ZFHX4: variants seen among roughly 807,000 people sequenced by gnomAD.
The protein encoded by ZFHX4 is zinc finger homeobox protein 4.
ZFHX4 carries 56 observed loss-of-function variants against 267.6 expected under a neutral mutation model. That is an observed-to-expected ratio of 0.21 (90% CI 0.17 to 0.26). ZFHX4 has a LOEUF of 0.26. Among genes scored for constraint, ZFHX4 ranks in the 10% least tolerant of loss-of-function variants. The probability of loss-of-function intolerance (pLI) is 1.00; values close to 1 mark genes in which losing one functional copy is unlikely to be tolerated. For missense variants in ZFHX4, 4,332 were observed against 4,420.0 expected (o/e 0.98, Z 0.56); for synonymous variants, 1,778 against 1,665.6 (o/e 1.07, Z -1.64).
intron 4 of ZFHX4, among the ~76,000 whole-genome samples, chr8:76,822,837 C>T (rs1256237407): frequency 3.9e-5 from 6 of 152,020 alleles, no homozygotes; most frequent in East Asian, 3.9e-4. Flanking sequence ...CTTCATCGTC[C>T]GTACTCTATA....
chr8:76,802,620 A>G (rs1811143382), intron 4 of ZFHX4, among the ~76,000 whole-genome samples: 1 of 152,184 alleles, frequency 6.6e-6, no homozygotes, highest in Non-Finnish European at 1.5e-5. Flanking sequence ...GGCATTCCCT[A>G]TATGATATGG....
Position 76,863,836 on chromosome 8 carries a change from A to G in ZFHX4, c.10122A>G (p.Thr3374=). The change falls in exon 11 of 11, where the codon ACA becomes ACG. Residue 3374 remains threonine, a synonymous_variant. Coordinates refer to ENST00000651372, the MANE Select transcript of ZFHX4 (RefSeq NM_024721.5). The stretch of plus-strand genomic sequence containing the variant: ...CAAAGGAAGACAAAAGTACTGCTAC[A>G]GAAAGCACAAAAGAAGAACCCCAGT... ...SETKEDKSTA[T]ESTKEEPQLE... The G allele has an allele frequency of 6.4e-7, 1 of 1,553,590 alleles. No homozygotes were observed. Among genetic ancestry groups the G allele is most frequent in the Non-Finnish European group, 8.7e-7 (1 of 1,147,850 alleles).
rs1563562876 is a variant in ZFHX4 at position 76,854,057 on chromosome 8, C to A, written c.7136C>A (p.Pro2379His). 6.2e-7 allele frequency: 1 copy of A among 1,613,946 alleles called. No homozygotes were observed. Among genetic ancestry groups the A allele is most frequent in the Admixed American group, 1.7e-5 (1 of 60,028 alleles). The change falls in exon 10 of 11, where the codon CCT becomes CAT. Residue 2379 changes from proline to histidine, a missense_variant. This residue lies in a region of ZFHX4 where 1,648 missense variants were observed against 1,625.0 expected (regional missense o/e 1.01). Transcript: ENST00000651372. ...QTDAAKNAAA[P>H]AASSGSGTST... is the part of the protein sequence containing the mutation. ...GATGCAGCTAAAAACGCTGCTGCCC[C>A]TGCAGCAAGTTCTGGCTCTGGGACC... is the stretch of plus-strand genomic sequence containing the variant.
At chr8:76,835,245 A>ATG (rs1554572199) in intron 5 of ZFHX4, among the ~76,000 whole-genome samples, 7 of 129,176 alleles carry the variant, frequency 5.4e-5, no homozygotes, top group South Asian at 2.4e-4. Context: ...ATATATGTAT[A>ATG]TATATATATA....
chr8:76,766,065 A>G (rs1015152496), intron 3 of ZFHX4, among the ~76,000 whole-genome samples: 4 of 152,150 alleles, frequency 2.6e-5, no homozygotes, highest in African/African-American at 4.8e-5. Context: ...TGGCTACAAC[A>G]TAAGGAGTGT....
At chr8:76,840,865 C>T (rs533700175) in intron 5 of ZFHX4, among the ~76,000 whole-genome samples, 1 of 152,334 alleles carries the variant, frequency 6.6e-6, no homozygotes, top group East Asian at 1.9e-4. Flanking sequence ...CCAAATCCAG[C>T]TTGGCCACCA....
At chr8:76,709,938 G>A (rs947948233) in intron 3 of ZFHX4, among the ~76,000 whole-genome samples, 7 of 151,840 alleles carry the variant, frequency 4.6e-5, no homozygotes, top group African/African-American at 1.7e-4. Context: ...ATGGAGAGTT[G>A]GATGTTGTCT....
chr8:76,839,053 A>AGAGAG (rs1812165394), intron 5 of ZFHX4, among the ~76,000 whole-genome samples: 1 of 107,378 alleles, frequency 9.3e-6, no homozygotes, highest in Non-Finnish European at 1.9e-5. Context: ...CTCTGTCTGA[A>AGAGAG]AGAGAGAGAG....
intron 4 of ZFHX4, among the ~76,000 whole-genome samples, chr8:76,798,684 A>G (rs542594823): frequency 6.6e-6 from 1 of 152,340 alleles, no homozygotes; most frequent in South Asian, 2.1e-4. Context: ...AATTACTTCT[A>G]GGTATAAACC....
intron 1 of ZFHX4, among the ~76,000 whole-genome samples, chr8:76,702,733 G>T (rs1191877288): frequency 6.6e-6 from 1 of 152,130 alleles, no homozygotes; most frequent in Non-Finnish European, 1.5e-5. Context: ...TTAAGGTGCT[G>T]GCCTTGAAGT....
chr8:76,853,239 T>A lies in ZFHX4; in HGVS notation c.6318T>A (p.Ser2106=). ...AGCTGCCACAGATGGACGCACTCTCTGCAGACCTCACCCAACTTTGCCAGC... is the reference window on the plus strand; with the variant it reads ...AGCTGCCACAGATGGACGCACTCTCAGCAGACCTCACCCAACTTTGCCAGC... ...ALQLPQMDAL[S]ADLTQLCQQQ... is the part of the protein sequence containing the mutation. Residue 2106 remains serine, a synonymous_variant, in exon 10 of 11, where the codon TCT becomes TCA. Transcript: ENST00000651372. 1.3e-6 allele frequency: 2 copies of A among 1,579,698 alleles called. No individual in the cohort carries two copies. The highest frequency in any genetic ancestry group is 1.7e-6 in the Non-Finnish European group (2 of 1,162,248).
chr8:76,750,422 A>C (rs1809583540), intron 3 of ZFHX4, among the ~76,000 whole-genome samples: 1 of 152,170 alleles, frequency 6.6e-6, no homozygotes, highest in Non-Finnish European at 1.5e-5. Flanking sequence ...ATGGAGTAAG[A>C]AGTAAATGTA....
Position 76,852,906 on chromosome 8 carries a change from T to C in ZFHX4, c.5985T>C (p.Ile1995=). 6.2e-7 allele frequency: 1 copy of C among 1,609,680 alleles called. No individual in the cohort carries two copies. The highest frequency in any genetic ancestry group is 8.5e-7 in the Non-Finnish European group (1 of 1,177,776). ...YREAYDKLYP[I]SPSSPETPPP... is the part of the protein sequence containing the mutation. ...AGGCCTATGACAAGCTTTATCCAAT[T>C]TCTCCATCTTCTCCAGAAACGCCGC... is the stretch of plus-strand genomic sequence containing the variant. Residue 1995 remains isoleucine, a synonymous_variant, in exon 10 of 11, where the codon ATT becomes ATC. Coordinates refer to ENST00000651372, the MANE Select transcript of ZFHX4 (RefSeq NM_024721.5).
intron 1 of ZFHX4, chr8:76,682,752 CT>C (rs1331989612): frequency 6.6e-6 from 1 of 152,650 alleles, no homozygotes; most frequent in South Asian, 2.1e-4. Flanking sequence ...TTCGGCCCCC[CT>C]AAAAGGGTTC....
chr8:76,775,798 C>T (rs1040665912), intron 3 of ZFHX4, among the ~76,000 whole-genome samples: 6 of 151,834 alleles, frequency 4.0e-5, no homozygotes, highest in Non-Finnish European at 5.9e-5. Flanking sequence ...TGCAGGCACA[C>T]TTGATATGCT....
At chr8:76,722,597 CTTTTTATGTG>C (rs1419430342) in intron 3 of ZFHX4, among the ~76,000 whole-genome samples, 2 of 149,562 alleles carry the variant, frequency 1.3e-5, no homozygotes, top group East Asian at 4.1e-4. Flanking sequence ...GACTTTCTCA[CTTTTTATGTG>C]TTTTTTTTTT....
chr8:76,704,279 T>G lies in ZFHX4; in HGVS notation c.191T>G (p.Phe64Cys). The change falls in exon 2 of 11, where the codon TTC (phenylalanine) becomes TGC (cysteine). Residue 64 changes from phenylalanine to cysteine, a missense_variant. This residue lies in a region of ZFHX4 where 1,195 missense variants were observed against 1,173.6 expected (regional missense o/e 1.02). Transcript: ENST00000651372. Reference sequence around the variant, plus strand: ...CGCAAAAGTGAAGCCTTGCTGGGTTTCAGCGTTGAGAATGCAGCTGCCACT... The same window carrying G: ...CGCAAAAGTGAAGCCTTGCTGGGTTGCAGCGTTGAGAATGCAGCTGCCACT... Reference protein sequence around the residue: ...DERKSEALLGFSVENAAATQV... With the variant: ...DERKSEALLGCSVENAAATQV... 1 of 1,613,992 alleles carries G rather than the reference T, an allele frequency of 6.2e-7. No individual in the cohort carries two copies. The highest frequency in any genetic ancestry group is 8.5e-7 in the Non-Finnish European group (1 of 1,179,892).
intron 3 of ZFHX4, among the ~76,000 whole-genome samples, chr8:76,769,054 T>C (rs1176681607): frequency 6.6e-6 from 1 of 151,960 alleles, no homozygotes; most frequent in African/African-American, 2.4e-5. Context: ...GCTATGATTG[T>C]GCCACTGCAC....
In ZFHX4 at chr8:76,701,350, C is replaced by T. The variant is rs115159129; in HGVS notation, c.-46-2693C>T. Among the ~76,000 whole-genome samples the T allele has an allele frequency of 3.2e-3, 493 of 151,976 alleles. 1 individual carries two copies. The highest frequency in any genetic ancestry group is 0.013 in the East Asian group (68 of 5,174). On this transcript the variant is annotated intron_variant, in intron 1 of 10. Coordinates refer to ENST00000651372, the MANE Select transcript of ZFHX4 (RefSeq NM_024721.5). ...TTTCTGATTTATGTGTAGTTTATTGCGAAGAAATTGATTGGCAATTTTCTG... is the reference window on the plus strand; with the variant it reads ...TTTCTGATTTATGTGTAGTTTATTGTGAAGAAATTGATTGGCAATTTTCTG...
Sources: gnomAD v4.1 joint callset for allele counts (sites outside exome capture counted in the v4.1 genomes callset) on GRCh38, gnomAD v4.1.1 for gene constraint, gnomAD v4.1.1 regional missense constraint, MANE v1.5 for transcripts, NCBI Gene and HGNC (gene_info 2026-07-23, HGNC 2026-07-21) for gene names.